Variants in TRDN observed in about 807,000 individuals in gnomAD.
TRDN encodes triadin in skeletal muscle.
TRDN carries 161 observed loss-of-function variants against 149.7 expected under a neutral mutation model. That is an observed-to-expected ratio of 1.08 (90% CI 0.95 to 1.23). The LOEUF is 1.23. TRDN is among the 50% of genes most tolerant of loss of function. The probability of loss-of-function intolerance (pLI) is 0.00; values close to 1 mark genes in which losing one functional copy is unlikely to be tolerated. For synonymous variants in TRDN, 294 were observed against 250.5 expected, an observed-to-expected ratio of 1.17 and a Z score of -1.64; for missense variants, 896 against 823.5, an observed-to-expected ratio of 1.09 and a Z score of -1.08.
chr6:123,617,192 G>C (rs1341364506), intron 1 of TRDN, among the ~76,000 whole-genome samples: 1 of 152,112 alleles, frequency 6.6e-6, no homozygotes, highest in African/African-American at 2.4e-5. Context: ...GCCAGCCCAG[G>C]AACGTGAAGG....
intron 1 of TRDN, among the ~76,000 whole-genome samples, chr6:123,602,226 C>T (rs1784313185): frequency 6.6e-6 from 1 of 152,080 alleles, no homozygotes; most frequent in East Asian, 1.9e-4. Context: ...GGCATACATA[C>T]CCCATGGAAT....
chr6:123,223,037 G>A (rs557950041), intron 39 of TRDN, among the ~76,000 whole-genome samples: 1 of 151,870 alleles, frequency 6.6e-6, no homozygotes, highest in Admixed American at 6.6e-5. Flanking sequence ...AACACTTGTA[G>A]ACTGTTGGTG....
At chr6:123,503,950 T>A in intron 7 of TRDN, 49 bp from the exon 8 acceptor site, 7 of 1,500,594 alleles carry the variant, frequency 4.7e-6, no homozygotes, top group Non-Finnish European at 6.2e-6. Flanking sequence ...TTTACAAACA[T>A]AATGTTTCAT....
intron 1 of TRDN, among the ~76,000 whole-genome samples, chr6:123,619,090 GTAT>G (rs1352628487): frequency 2.0e-5 from 3 of 152,138 alleles, no homozygotes; most frequent in African/African-American, 7.2e-5. Context: ...GGGTAATGTA[GTAT>G]TATGAACTTA....
intron 38 of TRDN, among the ~76,000 whole-genome samples, chr6:123,241,547 A>G (rs1382508193): frequency 6.6e-6 from 1 of 151,812 alleles, no homozygotes; most frequent in Non-Finnish European, 1.5e-5. Context: ...AAGGAAGGAA[A>G]AAAATGCAGA....
intron 4 of TRDN, among the ~76,000 whole-genome samples, chr6:123,544,085 A>T (rs992907445): frequency 2.0e-5 from 3 of 151,936 alleles, no homozygotes; most frequent in Non-Finnish European, 4.4e-5. Flanking sequence ...TGAAAAATGA[A>T]TTTTTTTTAG....
chr6:123,308,923 A>C (rs1266924082), intron 24 of TRDN, among the ~76,000 whole-genome samples: 1 of 152,074 alleles, frequency 6.6e-6, no homozygotes, highest in East Asian at 1.9e-4. Context: ...AACTTAAAAA[A>C]TCATTTACTG....
chr6:123,595,502 T>C (rs1783992424), intron 1 of TRDN, among the ~76,000 whole-genome samples: 1 of 152,086 alleles, frequency 6.6e-6, no homozygotes, highest in South Asian at 2.1e-4. Context: ...AGCATACAAG[T>C]AAAGGCATAC....
At chr6:123,336,848 T>C (rs1350583578) in intron 22 of TRDN, among the ~76,000 whole-genome samples, 1 of 151,230 alleles carries the variant, frequency 6.6e-6, no homozygotes, top group East Asian at 1.9e-4. Context: ...TTATATGTTA[T>C]AGTACATATA....
At chr6:123,364,141 G>A in intron 20 of TRDN, among the ~76,000 whole-genome samples, 1 of 152,232 alleles carries the variant, frequency 6.6e-6, no homozygotes, top group Non-Finnish European at 1.5e-5. Context: ...GGCTCAGGAA[G>A]CTGCCCAATT....
In TRDN at chr6:123,217,760, C is replaced by T. The variant is rs1178653777; in HGVS notation, c.*841G>A. 6.6e-6 allele frequency: 1 copy of T among 151,978 alleles called. No individual in the cohort carries two copies. Among genetic ancestry groups the T allele is most frequent in the East Asian group, 1.9e-4 (1 of 5,162 alleles). 9.4% of individuals were successfully genotyped at this position (151,978 alleles called of 1,614,324 possible). A position where few individuals can be genotyped will look rare whatever the true frequency, so the allele number is the denominator to read the frequency against. On this transcript the variant is annotated 3_prime_UTR_variant, in exon 41 of 41. Transcript: ENST00000334268. The stretch of plus-strand genomic sequence containing the variant: ...AATGAAAATATTTTTATATTTGTCA[C>T]CCAAATTTAGTGATTGATCTAAAAT...
chr6:123,601,609 C>T (rs188859134), intron 1 of TRDN, among the ~76,000 whole-genome samples: 1 of 152,172 alleles, frequency 6.6e-6, no homozygotes, highest in Non-Finnish European at 1.5e-5. Flanking sequence ...GCTGCTACAC[C>T]AGAGCTCAGT....
Position 123,252,404 on chromosome 6 carries a change from GTACT to G in TRDN, c.1975+4_1975+7del, listed in dbSNP as rs1776405239. The G allele has an allele frequency of 6.7e-7, 1 of 1,502,534 alleles. No homozygotes were observed. Among genetic ancestry groups the G allele is most frequent in the African/African-American group, 1.4e-5 (1 of 72,090 alleles). 93.1% of individuals were successfully genotyped at this position (1,502,534 alleles called of 1,614,324 possible). A position where few individuals can be genotyped will look rare whatever the true frequency, so the allele number is the denominator to read the frequency against. On this transcript the variant is annotated splice_donor_5th_base_variant and intron_variant, in intron 38 of 40. Coordinates refer to ENST00000334268, the MANE Select transcript of TRDN (RefSeq NM_006073.4). ...AGAGAACTTGTCATTAATACAAACCGTACTTACTTGATACTCTTGCAGGTTTTTC... is the reference window on the plus strand; with the variant it reads ...AGAGAACTTGTCATTAATACAAACCGTACTTGATACTCTTGCAGGTTTTTC...
intron 9 of TRDN, among the ~76,000 whole-genome samples, chr6:123,496,643 A>G (rs1163518941): frequency 2.6e-5 from 4 of 152,128 alleles, no homozygotes; most frequent in Non-Finnish European, 5.9e-5. Flanking sequence ...CAAGGTAGAT[A>G]TATTCCTTTA....
At chr6:123,264,367 A>G (rs1776867429) in intron 33 of TRDN, among the ~76,000 whole-genome samples, 1 of 152,098 alleles carries the variant, frequency 6.6e-6, no homozygotes, top group Non-Finnish European at 1.5e-5. Context: ...GTAACTGCAG[A>G]TGTGGTGGAA....
intron 4 of TRDN, among the ~76,000 whole-genome samples, chr6:123,542,909 TG>T: frequency 6.6e-6 from 1 of 151,854 alleles, no homozygotes; most frequent in East Asian, 1.9e-4. Flanking sequence ...TCACTGCGTC[TG>T]GCCCTGGTTT....
At chr6:123,448,007 T>G (rs923082581) in intron 10 of TRDN, among the ~76,000 whole-genome samples, 5 of 152,108 alleles carry the variant, frequency 3.3e-5, no homozygotes, top group African/African-American at 1.2e-4. Context: ...AGGAGAAATT[T>G]CCAACTTTAT....
intron 12 of TRDN, among the ~76,000 whole-genome samples, chr6:123,402,153 A>G (rs137880114): frequency 6.6e-6 from 1 of 152,322 alleles, no homozygotes; most frequent in African/African-American, 2.4e-5. Context: ...CTGTCTTCAC[A>G]TTGTGAGTTC....
chr6:123,229,891 C>A (rs1775532665), intron 38 of TRDN, among the ~76,000 whole-genome samples: 1 of 151,894 alleles, frequency 6.6e-6, no homozygotes, highest in African/African-American at 2.4e-5. Flanking sequence ...TACTAAAATG[C>A]AGATTTCTCA....
Sources: gnomAD v4.1 joint callset for allele counts (sites outside exome capture counted in the v4.1 genomes callset) on GRCh38, gnomAD v4.1.1 for gene constraint, MANE v1.5 for transcripts, NCBI Gene and HGNC (gene_info 2026-07-23, HGNC 2026-07-21) for gene names.